Variants in CCDC93 observed in about 807,000 individuals in gnomAD.
CCDC93 encodes the protein coiled-coil domain-containing protein 93.
A neutral mutation model predicts 108.2 loss-of-function variants in CCDC93; 61 were observed. The ratio of observed to expected loss-of-function variants is 0.56; its 90% CI spans 0.46 to 0.70. The LOEUF (loss-of-function observed/expected upper bound fraction) is 0.70. CCDC93 is among the 30% of genes least tolerant of loss of function. The pLI is 0.00. For missense variants in CCDC93, 685 were observed against 764.2 expected (o/e 0.90, Z 1.22); for synonymous variants, 276 against 260.4 (o/e 1.06, Z -0.58).
At chr2:117,951,917 G>T (rs1440647907) in intron 13 of CCDC93, among the ~76,000 whole-genome samples, 1 of 152,082 alleles carries the variant, frequency 6.6e-6, no homozygotes, top group Non-Finnish European at 1.5e-5. Context: ...CTGCCTAGGA[G>T]ATAACTGGAA....
At chr2:117,924,857 T>A (rs1484885715) in intron 23 of CCDC93, among the ~76,000 whole-genome samples, 2 of 151,968 alleles carry the variant, frequency 1.3e-5, no homozygotes, top group Non-Finnish European at 2.9e-5. Flanking sequence ...ATGGAAAAAA[T>A]GTTAAGGGCA....
intron 7 of CCDC93, among the ~76,000 whole-genome samples, chr2:117,983,658 A>T (rs1384870328): frequency 4.4e-5 from 1 of 22,670 alleles, no homozygotes. Flanking sequence ...ATATATATAT[A>T]TATATATATA....
chr2:117,985,528 T>C (rs1680290138), intron 7 of CCDC93: 2 of 370,454 alleles, frequency 5.4e-6, no homozygotes, highest in Admixed American at 4.9e-4. Context: ...AATAAGATTT[T>C]TTTTTTTTAA....
chr2:117,986,543 C>T (rs1680325698), intron 6 of CCDC93, among the ~76,000 whole-genome samples: 1 of 152,108 alleles, frequency 6.6e-6, no homozygotes, highest in Non-Finnish European at 1.5e-5. Context: ...CCCGGGTTTA[C>T]TGCATCTAAT....
At chr2:118,004,962 C>T (rs1165624944) in intron 3 of CCDC93, among the ~76,000 whole-genome samples, 1 of 152,052 alleles carries the variant, frequency 6.6e-6, no homozygotes, top group Non-Finnish European at 1.5e-5. Context: ...TAGAGTCACA[C>T]TCTATAATAA....
intron 11 of CCDC93, among the ~76,000 whole-genome samples, chr2:117,961,279 T>C (rs1340677717): frequency 6.6e-6 from 1 of 152,166 alleles, no homozygotes; most frequent in African/African-American, 2.4e-5. Context: ...ACCTCTACCA[T>C]ATCTGTTATA....
At chr2:117,949,864 AC>A (rs1678998511) in intron 13 of CCDC93, 1 of 985,328 alleles carries the variant, frequency 1.0e-6, no homozygotes, top group African/African-American at 1.7e-5. Flanking sequence ...AGGATGGTTA[AC>A]AGACAGGAAT....
intron 20 of CCDC93, among the ~76,000 whole-genome samples, chr2:117,938,523 T>TA (rs1291361534): frequency 4.3e-5 from 5 of 116,284 alleles, no homozygotes; most frequent in Admixed American, 9.4e-5. Flanking sequence ...CCCTAAAACT[T>TA]AAAGTATAAT....
intron 3 of CCDC93, 137 bp from the exon 4 acceptor site, chr2:118,001,069 T>C (rs904673971): frequency 1.9e-5 from 11 of 591,950 alleles, no homozygotes; most frequent in African/African-American, 1.7e-4. Flanking sequence ...AAGTTTCTCC[T>C]AGATGACTGC....
chr2:118,005,336 G>GA (rs772383725), intron 3 of CCDC93, among the ~76,000 whole-genome samples: 2 of 152,116 alleles, frequency 1.3e-5, no homozygotes, highest in African/African-American at 2.4e-5. Flanking sequence ...AACTAGCACA[G>GA]AAAAAATGCA....
intron 23 of CCDC93, 150 bp downstream of exon 23, chr2:117,930,887 G>A (rs1678302397): frequency 7.1e-6 from 4 of 564,068 alleles, no homozygotes; most frequent in Middle Eastern, 3.6e-4. Flanking sequence ...CTACCTAGAC[G>A]CCACACTTCA....
At chr2:117,983,077 G>A (rs115023058) in intron 7 of CCDC93, among the ~76,000 whole-genome samples, 1 of 152,134 alleles carries the variant, frequency 6.6e-6, no homozygotes, top group Non-Finnish European at 1.5e-5. Flanking sequence ...GAAAACACAA[G>A]TGTCTTCCAT....
chr2:117,999,659 C>T (rs1204963441), intron 4 of CCDC93, among the ~76,000 whole-genome samples: 2 of 152,146 alleles, frequency 1.3e-5, no homozygotes, highest in Non-Finnish European at 2.9e-5. Flanking sequence ...CACAGATGCT[C>T]AAGTCCCTGA....
At chr2:117,958,254 T>C (rs750700880) in intron 12 of CCDC93, 111 bp downstream of exon 12, 11 of 680,660 alleles carry the variant, frequency 1.6e-5, no homozygotes, top group African/African-American at 3.6e-5. Context: ...CAAAAACAAG[T>C]GGCAACTGGA....
rs80304738 is a variant in CCDC93, at chr2:117,996,146, T to C, written c.462+118A>G. 6.7e-6 allele frequency: 4 copies of C among 595,738 alleles called. No homozygotes were observed. In the East Asian group the frequency reaches 8.3e-5, roughly 12 times the overall value. The allele number at this position is 595,738 out of a possible 1,614,324, so 36.9% of individuals were successfully genotyped here. ...TGGCTATGTAAAGAAGCACTAATGA[T>C]GCCAAGTGGGGCTGAGAATGTAGGG... On this transcript the variant is annotated intron_variant, in intron 5 of 23. Transcript: ENST00000376300.
chr2:117,971,091 A>C (rs1679745056), intron 11 of CCDC93, among the ~76,000 whole-genome samples: 1 of 152,266 alleles, frequency 6.6e-6, no homozygotes, highest in Non-Finnish European at 1.5e-5. Context: ...GGCCAGCCAC[A>C]GTGGCTGAGA....
intron 23 of CCDC93, among the ~76,000 whole-genome samples, chr2:117,923,301 C>A (rs983376344): frequency 3.3e-5 from 5 of 152,090 alleles, no homozygotes; most frequent in Admixed American, 6.5e-5. Context: ...TCAGCGTTAG[C>A]CGAGGCAGGG....
intron 7 of CCDC93, among the ~76,000 whole-genome samples, chr2:117,983,633 TA>T (rs1680220505): frequency 3.4e-4 from 39 of 115,684 alleles, no homozygotes; most frequent in African/African-American, 1.4e-3. Context: ...CTCAAAATTA[TA>T]TATATATATA....
chr2:117,931,131 T>C lies in CCDC93; in HGVS notation c.1748A>G (p.Glu583Gly). ...SRMKMEKKKQ[E>G]NKMRRDQLND... ...CAACTGGTCTCTTCTCATTTTGTTC[T>C]CTTGCTTTTTCTTTTCCATCTGTTG... The change falls in exon 23 of 24, where the codon GAG becomes GGG. Residue 583 changes from glutamate (E) to glycine (G), a missense_variant. Glu to Gly is a moderately conservative substitution (Grantham distance 98). Coordinates refer to ENST00000376300, the MANE Select transcript of CCDC93 (RefSeq NM_019044.5). The C allele has an allele frequency of 6.2e-7, 1 of 1,613,346 alleles. No individual in the cohort carries two copies. The highest frequency in any genetic ancestry group is 1.1e-5 in the South Asian group (1 of 91,032).
Sources: allele counts gnomAD v4.1 joint callset (sites outside exome capture counted in the v4.1 genomes callset), GRCh38; gene constraint gnomAD v4.1.1; transcripts MANE v1.5; gene names NCBI Gene and HGNC (gene_info 2026-07-23, HGNC 2026-07-21).